LDAH: variants seen among roughly 807,000 people sequenced by gnomAD.
LDAH encodes the protein lipid droplet-associated hydrolase.
Under a neutral mutation model 29.6 loss-of-function variants are expected in LDAH, and 26 were observed. The observed-to-expected ratio is 0.88, with a 90% CI of 0.64 to 1.22. The LOEUF (loss-of-function observed/expected upper bound fraction) is 1.22. Among genes scored for constraint, LDAH ranks in the 50% most tolerant of loss-of-function variants. The pLI is 0.00. For missense variants in LDAH, 344 were observed against 387.3 expected (o/e 0.89, Z 0.94); for synonymous variants, 117 against 133.0 (o/e 0.88, Z 0.83).
At chr2:20,708,127 T>C (rs556625443) in intron 5 of LDAH, among the ~76,000 whole-genome samples, 1 of 152,286 alleles carries the variant, frequency 6.6e-6, no homozygotes, top group Non-Finnish European at 1.5e-5. Flanking sequence ...ATATTAACAT[T>C]TAATAATAAT....
At chr2:20,808,143 C>A (rs765929843) in intron 1 of LDAH, among the ~76,000 whole-genome samples, 4 of 152,006 alleles carry the variant, frequency 2.6e-5, no homozygotes, top group African/African-American at 9.7e-5. Flanking sequence ...TGTGCAAGAC[C>A]TCTACACAGA....
At chr2:20,759,728 T>C (rs936321671) in intron 4 of LDAH, among the ~76,000 whole-genome samples, 4 of 152,206 alleles carry the variant, frequency 2.6e-5, no homozygotes, top group Admixed American at 6.5e-5. Context: ...CTCCCTGTTA[T>C]GTCTTCTCTG....
chr2:20,735,437 A>C (rs1318713865), intron 5 of LDAH, among the ~76,000 whole-genome samples: 1 of 151,752 alleles, frequency 6.6e-6, no homozygotes, highest in Non-Finnish European at 1.5e-5. Context: ...ATTTGTTCTA[A>C]AATTTCCACT....
intron 6 of LDAH, among the ~76,000 whole-genome samples, chr2:20,691,462 C>A (rs1276678486): frequency 3.9e-5 from 6 of 152,324 alleles, no homozygotes; most frequent in South Asian, 2.1e-4. Flanking sequence ...CAGGCGTGAG[C>A]CACAGCACCC....
At chr2:20,767,096 G>A (rs12476977) in intron 4 of LDAH, among the ~76,000 whole-genome samples, 3 of 152,230 alleles carry the variant, frequency 2.0e-5, no homozygotes, top group Admixed American at 6.5e-5. Flanking sequence ...CAGGGCCACT[G>A]GGGGAGCTCA....
intron 4 of LDAH, among the ~76,000 whole-genome samples, chr2:20,753,833 C>T (rs1022531915): frequency 6.6e-6 from 1 of 152,188 alleles, no homozygotes; most frequent in African/African-American, 2.4e-5. Context: ...ATTGCAGTTA[C>T]AACAGGAGCC....
At chr2:20,751,978 A>C (rs954509478) in intron 4 of LDAH, among the ~76,000 whole-genome samples, 1 of 152,050 alleles carries the variant, frequency 6.6e-6, no homozygotes, top group South Asian at 2.1e-4. Context: ...AGCAGCTTCA[A>C]CCTCCTGGGC....
At chr2:20,808,631 C>G (rs1233492222) in intron 1 of LDAH, among the ~76,000 whole-genome samples, 2 of 149,096 alleles carry the variant, frequency 1.3e-5, no homozygotes, top group African/African-American at 5.0e-5. Flanking sequence ...GCACTCCAGC[C>G]TGCGCGATAG....
At chr2:20,723,355 C>T (rs1188173790) in intron 5 of LDAH, among the ~76,000 whole-genome samples, 1 of 151,982 alleles carries the variant, frequency 6.6e-6, no homozygotes, top group Non-Finnish European at 1.5e-5. Context: ...TTCTGAGACT[C>T]GGGCAATGGT....
At chr2:20,769,552 T>G (rs910712977) in intron 4 of LDAH, among the ~76,000 whole-genome samples, 3 of 152,222 alleles carry the variant, frequency 2.0e-5, no homozygotes, top group African/African-American at 7.2e-5. Flanking sequence ...AATAATCTCA[T>G]TGTTGGAGAA....
In LDAH at chr2:20,710,585, GGT is replaced by G. The variant is rs376841719; in HGVS notation, c.704-8935_704-8934del. Among the ~76,000 whole-genome samples the G allele has an allele frequency of 1.9e-3, 219 of 115,918 alleles. 1 individual carries two copies. The highest frequency in any genetic ancestry group is 5.2e-3 in the African/African-American group (177 of 33,868). 76.0% of individuals were successfully genotyped at this position (115,918 alleles called of 152,430 possible). On this transcript the variant is annotated intron_variant, in intron 5 of 6. Transcript: ENST00000237822. ...TCACCCCGGACTATATATATATAGG[GGT>G]GTGTGTGTGTGTGTGTGTGTATATA...
chr2:20,786,282 C>T (rs1056017789), intron 3 of LDAH, among the ~76,000 whole-genome samples: 5 of 152,104 alleles, frequency 3.3e-5, no homozygotes, highest in East Asian at 1.9e-4. Context: ...CTCTGCCTCC[C>T]GGGTTCAAGC....
At chr2:20,721,498 G>A (rs189615722) in intron 5 of LDAH, among the ~76,000 whole-genome samples, 58 of 151,970 alleles carry the variant, frequency 3.8e-4, no homozygotes, top group Non-Finnish European at 7.4e-4. Flanking sequence ...GAACTTACTC[G>A]TGTAACCAAA....
At chr2:20,730,500 C>T (rs973123166) in intron 5 of LDAH, among the ~76,000 whole-genome samples, 3 of 152,064 alleles carry the variant, frequency 2.0e-5, no homozygotes, top group Admixed American at 2.0e-4. Flanking sequence ...TTATTTTAGC[C>T]ATTCTGATAG....
intron 5 of LDAH, among the ~76,000 whole-genome samples, chr2:20,735,866 T>C (rs1033808334): frequency 6.6e-6 from 1 of 152,160 alleles, no homozygotes; most frequent in Non-Finnish European, 1.5e-5. Flanking sequence ...GTTACCATCT[T>C]GGCTGGGACA....
chr2:20,695,815 G>A (rs536441252), intron 6 of LDAH, among the ~76,000 whole-genome samples: 1 of 152,236 alleles, frequency 6.6e-6, no homozygotes, highest in East Asian at 1.9e-4. Context: ...AGCTGTATGA[G>A]GCTACATACT....
chr2:20,719,937 C>T (rs1196369497), intron 5 of LDAH, among the ~76,000 whole-genome samples: 47 of 152,074 alleles, frequency 3.1e-4, no homozygotes, highest in Admixed American at 3.0e-3. Context: ...AATAAAAACT[C>T]TCAACAAACG....
intron 5 of LDAH, among the ~76,000 whole-genome samples, chr2:20,703,411 A>G (rs2149357614): frequency 6.6e-6 from 1 of 152,348 alleles, no homozygotes; most frequent in South Asian, 2.1e-4. Context: ...CTGAGTTGCT[A>G]TGAAAGATGA....
chr2:20,711,715 T>G (rs996698570), intron 5 of LDAH, among the ~76,000 whole-genome samples: 2 of 152,214 alleles, frequency 1.3e-5, no homozygotes, highest in Non-Finnish European at 2.9e-5. Flanking sequence ...TCTTAGCTAA[T>G]GGCCCACCAG....
Sources: allele counts gnomAD v4.1 joint callset (sites outside exome capture counted in the v4.1 genomes callset), GRCh38; gene constraint gnomAD v4.1.1; transcripts MANE v1.5; gene names NCBI Gene and HGNC (gene_info 2026-07-23, HGNC 2026-07-21).